The following SEMA6A variants were observed in gnomAD, a reference collection of about 807,000 sequenced individuals.
The protein encoded by SEMA6A is semaphorin-6A.
SEMA6A carries 25 observed loss-of-function variants against 96.8 expected under a neutral mutation model. That is an observed-to-expected ratio of 0.26 (90% confidence interval 0.19 to 0.36). The LOEUF is 0.36. Ranked by LOEUF, SEMA6A falls within the 10% of genes least tolerant of loss-of-function variation. SEMA6A has a pLI of 1.00. For missense variants in SEMA6A, 1,363 were observed against 1,323.1 expected (o/e 1.03, Z -0.47); for synonymous variants, 612 against 518.0 (o/e 1.18, Z -2.46).
chr5:116,483,688 A>G (rs768719352), intron 10 of SEMA6A, among the ~76,000 whole-genome samples: 13 of 152,246 alleles, frequency 8.5e-5, no homozygotes, highest in Non-Finnish European at 1.8e-4. Flanking sequence ...TAAAATGCTT[A>G]TTTAAAATAA....
intron 1 of SEMA6A, among the ~76,000 whole-genome samples, chr5:116,528,709 C>T (rs1216196038): frequency 6.6e-6 from 1 of 152,158 alleles, no homozygotes; most frequent in Non-Finnish European, 1.5e-5. Flanking sequence ...CACAAAAATA[C>T]ATGGCTACTT....
chr5:116,551,353 T>C (rs1001636016), intron 1 of SEMA6A, among the ~76,000 whole-genome samples: 26 of 67,176 alleles, frequency 3.9e-4, no homozygotes, highest in Admixed American at 2.2e-3. Flanking sequence ...CACACACACA[T>C]TCTCTTTGCA....
intron 17 of SEMA6A, chr5:116,468,371 CTATTCCCACTGTCTTTTCATTGGAA>C (rs1755901061): frequency 6.6e-6 from 1 of 152,284 alleles, no homozygotes; most frequent in African/African-American, 2.4e-5. Flanking sequence ...CCAAAGGGAT[CTATTCCCACTGTCTTTTCATTGGAA>C]TGGAGGCTTC....
At chr5:116,494,312 CTCCT>C (rs751313296) in intron 6 of SEMA6A, among the ~76,000 whole-genome samples, 6 of 152,222 alleles carry the variant, frequency 3.9e-5, no homozygotes, top group Non-Finnish European at 8.8e-5. Context: ...TGGCTAACTT[CTCCT>C]TACCCTTTAA....
chr5:116,521,616 G>C (rs1182818219), intron 1 of SEMA6A, among the ~76,000 whole-genome samples: 1 of 152,166 alleles, frequency 6.6e-6, no homozygotes, highest in Non-Finnish European at 1.5e-5. Context: ...CCAGTTGGGG[G>C]ATGTTTTATT....
chr5:116,454,824 G>A (rs941964677), intron 18 of SEMA6A, among the ~76,000 whole-genome samples: 8 of 151,572 alleles, frequency 5.3e-5, no homozygotes, highest in African/African-American at 1.2e-4. Flanking sequence ...GTGTGTGTGC[G>A]CGTGTGTGTG....
intron 17 of SEMA6A, among the ~76,000 whole-genome samples, chr5:116,470,113 A>G (rs929919887): frequency 2.0e-5 from 3 of 152,176 alleles, no homozygotes; most frequent in Non-Finnish European, 4.4e-5. Flanking sequence ...CTGACTCTCA[A>G]AAATTTTAGA....
chr5:116,447,699 G>C lies in SEMA6A; in HGVS notation c.2007C>G (p.Thr669=). 1 of 1,614,014 alleles carries C rather than the reference G, an allele frequency of 6.2e-7. No individual in the cohort carries two copies. Among genetic ancestry groups the C allele is most frequent in the Non-Finnish European group, 8.5e-7 (1 of 1,179,886 alleles). The part of the protein sequence containing the change: ...FVMGAVFSGI[T]VYCVCDHRRK... The stretch of plus-strand genomic sequence containing the variant: ...GCCGATGATCACAGACGCAGTAGAC[G>C]GTGATGCCCGAGAAGACGGCCCCCA... Residue 669 remains threonine, a synonymous_variant, in exon 19 of 19, where the codon ACC becomes ACG. Coordinates refer to ENST00000343348, the MANE Select transcript of SEMA6A (RefSeq NM_020796.5).
intron 15 of SEMA6A, among the ~76,000 whole-genome samples, chr5:116,476,567 C>T (rs777884392): frequency 8.5e-5 from 13 of 152,146 alleles, no homozygotes; most frequent in Non-Finnish European, 1.5e-4. Flanking sequence ...CCAAAGGGAA[C>T]GCCCCATGTT....
chr5:116,509,580 C>A (rs949178282), intron 1 of SEMA6A, among the ~76,000 whole-genome samples: 1 of 147,478 alleles, frequency 6.8e-6, no homozygotes, highest in African/African-American at 2.6e-5. Flanking sequence ...GATTCTGCCC[C>A]AGTGAAGAAG....
At chr5:116,513,632 T>A (rs1324706079) in intron 1 of SEMA6A, among the ~76,000 whole-genome samples, 1 of 151,844 alleles carries the variant, frequency 6.6e-6, no homozygotes, top group African/African-American at 2.4e-5. Context: ...CCAACTTTTA[T>A]TTTAAGTTCA....
At chr5:116,463,003 G>C (rs1355288282) in intron 18 of SEMA6A, among the ~76,000 whole-genome samples, 1 of 151,906 alleles carries the variant, frequency 6.6e-6, no homozygotes, top group Non-Finnish European at 1.5e-5. Flanking sequence ...TAAAAAAAAA[G>C]TGTCACTTTT....
At chr5:116,528,428 A>C (rs1469267379) in intron 1 of SEMA6A, among the ~76,000 whole-genome samples, 3 of 152,152 alleles carry the variant, frequency 2.0e-5, no homozygotes, top group African/African-American at 7.2e-5. Context: ...GATACTGCAG[A>C]AGCAGTTGAT....
At chr5:116,514,496 A>C (rs1020311695) in intron 1 of SEMA6A, among the ~76,000 whole-genome samples, 5 of 152,010 alleles carry the variant, frequency 3.3e-5, no homozygotes, top group African/African-American at 1.2e-4. Flanking sequence ...AACTTGTGTA[A>C]ACTGTTTACA....
intron 18 of SEMA6A, 111 bp downstream of exon 18, chr5:116,467,472 G>A (rs149505990): frequency 4.0e-5 from 40 of 994,192 alleles, no homozygotes; most frequent in Middle Eastern, 6.6e-4. Flanking sequence ...CAATCATAGC[G>A]CATTGGAGGT....
At chr5:116,486,318 G>A (rs1209742734) in intron 10 of SEMA6A, among the ~76,000 whole-genome samples, 1 of 152,158 alleles carries the variant, frequency 6.6e-6, no homozygotes, top group Admixed American at 6.6e-5. Context: ...CAAATTATTA[G>A]ATGACCTAGA....
At chr5:116,573,186 C>T (rs1043261943) in intron 1 of SEMA6A, among the ~76,000 whole-genome samples, 1 of 152,220 alleles carries the variant, frequency 6.6e-6, no homozygotes, top group African/African-American at 2.4e-5. Flanking sequence ...GGCTTACTCT[C>T]CAGCGCCCCA....
intron 18 of SEMA6A, among the ~76,000 whole-genome samples, chr5:116,467,286 G>A: frequency 7.1e-6 from 1 of 140,746 alleles, no homozygotes; most frequent in East Asian, 2.0e-4. Flanking sequence ...AGACTAAGAA[G>A]AGTGGCAAGG....
chr5:116,480,661 A>C (rs1756711152), intron 11 of SEMA6A, among the ~76,000 whole-genome samples: 1 of 152,152 alleles, frequency 6.6e-6, no homozygotes, highest in African/African-American at 2.4e-5. Flanking sequence ...TACTCTACAG[A>C]GGGAAAGAAT....
Sources: allele counts gnomAD v4.1 joint callset (sites outside exome capture counted in the v4.1 genomes callset), GRCh38; gene constraint gnomAD v4.1.1; transcripts MANE v1.5; gene names NCBI Gene and HGNC (gene_info 2026-07-23, HGNC 2026-07-21).